Variants in HDAC9 observed in about 807,000 individuals in gnomAD.
The protein encoded by HDAC9 is histone deacetylase 9, also known as MEF-2 interacting transcription repressor (MITR) protein.
HDAC9 carries 41 observed loss-of-function variants against 139.4 expected under a neutral mutation model. That is an observed-to-expected ratio of 0.29 (90% CI 0.23 to 0.38). The LOEUF is 0.38. HDAC9 is among the 10% of genes least tolerant of loss of function. The pLI is 1.00. For synonymous variants in HDAC9, 517 were observed against 476.2 expected, an observed-to-expected ratio of 1.09 and a Z score of -1.12; for missense variants, 1,147 against 1,297.0, an observed-to-expected ratio of 0.88 and a Z score of 1.78.
chr7:18,125,380 G>C (rs1001215298), intron 1 of HDAC9, among the ~76,000 whole-genome samples: 1 of 151,888 alleles, frequency 6.6e-6, no homozygotes, highest in African/African-American at 2.4e-5. Context: ...GGACTTTCCT[G>C]AATCTCTTTT....
intron 12 of HDAC9, among the ~76,000 whole-genome samples, chr7:18,712,328 A>G (rs756563932): frequency 2.6e-5 from 4 of 152,136 alleles, no homozygotes; most frequent in Non-Finnish European, 5.9e-5. Context: ...TTCAAACTCC[A>G]TGTTCTAGAG....
chr7:18,707,621 G>A (rs1288962195), intron 12 of HDAC9, among the ~76,000 whole-genome samples: 3 of 151,910 alleles, frequency 2.0e-5, no homozygotes, highest in African/African-American at 7.3e-5. Context: ...TTTTAGGTAG[G>A]GAAGAACAAA....
upstream of HDAC9, among the ~76,000 whole-genome samples, chr7:18,287,729 G>A (rs562880708): frequency 1.3e-5 from 2 of 152,330 alleles, no homozygotes; most frequent in African/African-American, 4.8e-5. Context: ...AAAGCCAGCT[G>A]TTTGAAGGGT....
chr7:18,999,638 C>A lies in HDAC9; in HGVS notation c.*3576C>A, dbSNP rs1786654024. The stretch of plus-strand genomic sequence containing the variant: ...ATTTTTAGTAGAGACGGGGTTTCTC[C>A]ATGTTGGTCAGGCTGGTCTCAAACT... On this transcript the variant is annotated 3_prime_UTR_variant, in exon 26 of 26. Transcript: ENST00000686413. 1 of 152,146 alleles carries A rather than the reference C, an allele frequency of 6.6e-6. No individual in the cohort carries two copies. Among genetic ancestry groups the A allele is most frequent in the African/African-American group, 2.4e-5 (1 of 41,408 alleles). 9.4% of individuals were successfully genotyped at this position (152,146 alleles called of 1,614,324 possible). A position where few individuals can be genotyped will look rare whatever the true frequency, so the allele number is the denominator to read the frequency against.
At chr7:18,099,812 C>T (rs1782731292) in intron 1 of HDAC9, among the ~76,000 whole-genome samples, 1 of 152,164 alleles carries the variant, frequency 6.6e-6, no homozygotes, top group African/African-American at 2.4e-5. Context: ...ATTTTTCTTA[C>T]ATATGTTATA....
Position 18,477,407 on chromosome 7 carries a change from A to G in HDAC9, c.-41-18855A>G, listed in dbSNP as rs7791190. Among the ~76,000 whole-genome samples the G allele has an allele frequency of 8.6e-3, 1,304 of 152,102 alleles. 17 individuals carry two copies. The highest frequency in any genetic ancestry group is 0.03 in the African/African-American group (1,227 of 41,432). Reference sequence around the variant, plus strand: ...CAGTTATGTGTGCGTGCGTGCGTGCATGCGTGTGTGTGTGTGTGAAACAAA... The same window carrying G: ...CAGTTATGTGTGCGTGCGTGCGTGCGTGCGTGTGTGTGTGTGTGAAACAAA... On this transcript the variant is annotated intron_variant, in intron 1 of 3. Coordinates refer to the HDAC9 transcript ENST00000413509.
chr7:18,371,558 G>A (rs10276558), intron 1 of HDAC9, among the ~76,000 whole-genome samples: 117,721 of 152,028 alleles, frequency 0.77, 45,759 homozygotes, highest in South Asian at 0.86. Context: ...GAATTCCACA[G>A]CAAAAGCAAA....
At position 18,762,193 on chromosome 7, in the gene HDAC9, C is replaced by T. The variant is rs1167901593; in HGVS notation, c.2080C>T (p.Gln694Ter). ...TCGAAAAGCCAGCCTGGAGGAAATA[C>T]AGCTTGTTCATTCTGAACATCACTC... Reference protein sequence around the residue: ...QGRKASLEEIQLVHSEHHSLL... With the variant: ...QGRKASLEEI Residue 694 changes from glutamine to a stop codon, truncating the protein, a stop_gained, in exon 15 of 26, where the codon CAG becomes TAG. Coordinates refer to ENST00000686413, the MANE Select transcript of HDAC9 (RefSeq NM_178425.4). LOFTEE classifies it high-confidence loss of function. 6.2e-7 allele frequency: 1 copy of T among 1,613,576 alleles called. No individual in the cohort carries two copies. Among genetic ancestry groups the T allele is most frequent in the South Asian group, 1.1e-5 (1 of 91,072 alleles).
intron 1 of HDAC9, among the ~76,000 whole-genome samples, chr7:18,312,904 A>G (rs935797746): frequency 6.6e-6 from 1 of 152,152 alleles, no homozygotes; most frequent in Non-Finnish European, 1.5e-5. Context: ...CTTTGAGGGT[A>G]TATTTCTAGA....
chr7:18,359,219 G>A (rs967675992), intron 1 of HDAC9, among the ~76,000 whole-genome samples: 1 of 152,120 alleles, frequency 6.6e-6, no homozygotes, highest in Non-Finnish European at 1.5e-5. Context: ...AGCCGGGCGT[G>A]GTGGTGCACA....
At chr7:18,958,356 C>T (rs1375207779) in intron 24 of HDAC9, among the ~76,000 whole-genome samples, 2 of 152,154 alleles carry the variant, frequency 1.3e-5, no homozygotes, top group Non-Finnish European at 2.9e-5. Flanking sequence ...AGCCATCTCA[C>T]TTTCTGAAGA....
chr7:18,771,662 A>G (rs1329708906), intron 16 of HDAC9, among the ~76,000 whole-genome samples: 2 of 152,070 alleles, frequency 1.3e-5, no homozygotes, highest in East Asian at 3.9e-4. Context: ...TCTAATTATT[A>G]CACCACATTG....
At chr7:18,385,077 C>A (rs62446963) in intron 1 of HDAC9, among the ~76,000 whole-genome samples, 2,822 of 152,222 alleles carry the variant, frequency 0.019, 36 homozygotes, top group Non-Finnish European at 0.027. Context: ...AGCTTGGATT[C>A]AAGTTGGTGT....
chr7:18,203,871 G>A lies in HDAC9; in HGVS notation c.25+41522G>A, dbSNP rs551856037. On this transcript the variant is annotated intron_variant, in intron 2 of 12. Transcript: ENST00000417496. ...TTTTCTCCTTCTGGTTACATTTATCGAAAGTAAAAGTAGAAGGAGCACTGT... is the reference window on the plus strand; with the variant it reads ...TTTTCTCCTTCTGGTTACATTTATCAAAAGTAAAAGTAGAAGGAGCACTGT... Among the ~76,000 whole-genome samples the A allele has an allele frequency of 2.6e-5, 4 of 152,222 alleles. No individual in the cohort carries two copies. In the East Asian group the frequency reaches 5.8e-4, roughly 22 times the overall value.
At chr7:18,931,259 C>T (rs1804717112) in intron 22 of HDAC9, among the ~76,000 whole-genome samples, 1 of 152,040 alleles carries the variant, frequency 6.6e-6, no homozygotes. Flanking sequence ...TTTTGCGTTA[C>T]TTCTTTTCTG....
chr7:18,512,017 C>CAAA (rs11337572), intron 2 of HDAC9, among the ~76,000 whole-genome samples: 3 of 96,570 alleles, frequency 3.1e-5, no homozygotes, highest in African/African-American at 9.6e-5. Context: ...ATGAATTAAG[C>CAAA]AAAAAAAAAA....
chr7:18,590,449 G>T lies in HDAC9; in HGVS notation c.378G>T (p.Gln126His). Residue 126 changes from glutamine to histidine, a missense_variant, in exon 4 of 26, where the codon CAG (glutamine) becomes CAT (histidine). Gln to His is a conservative substitution (Grantham distance 24). Coordinates refer to ENST00000686413, the MANE Select transcript of HDAC9 (RefSeq NM_178425.4). ...TAGAGAGGCATCGCAGAGAACAGCA[G>T]CTTCCTCCTCTCAGAGGCAAAGATA... Reference protein sequence around the residue: ...QEVERHRREQQLPPLRGKDRG... With the variant: ...QEVERHRREQHLPPLRGKDRG... 1 of 1,604,982 alleles carries T rather than the reference G, an allele frequency of 6.2e-7. No individual in the cohort carries two copies. The highest frequency in any genetic ancestry group is 8.5e-7 in the Non-Finnish European group (1 of 1,175,476).
At chr7:18,556,766 T>G (rs567914406) in intron 2 of HDAC9, among the ~76,000 whole-genome samples, 1 of 152,202 alleles carries the variant, frequency 6.6e-6, no homozygotes, top group African/African-American at 2.4e-5. Flanking sequence ...TCTGTTAAAT[T>G]GTTGGTAATG....
chr7:18,399,573 A>G (rs185880405), intron 1 of HDAC9, among the ~76,000 whole-genome samples: 34 of 152,310 alleles, frequency 2.2e-4, no homozygotes, highest in Admixed American at 2.2e-3. Flanking sequence ...GGCAAGGCAC[A>G]TCATAGCAAC....
Sources: allele counts gnomAD v4.1 joint callset (sites outside exome capture counted in the v4.1 genomes callset), GRCh38; gene constraint gnomAD v4.1.1; transcripts MANE v1.5; gene names NCBI Gene and HGNC (gene_info 2026-07-23, HGNC 2026-07-21).